JARID2: variants seen among roughly 807,000 people sequenced by gnomAD.
JARID2 encodes the protein protein Jumonji.
Under a neutral mutation model 125.6 loss-of-function variants are expected in JARID2, and 21 were observed. That is an observed-to-expected ratio of 0.17 (90% confidence interval 0.12 to 0.24). The LOEUF is 0.24. JARID2 is among the 10% of genes least tolerant of loss of function. The probability of loss-of-function intolerance (pLI) is 1.00; values close to 1 mark genes in which losing one functional copy is unlikely to be tolerated. For missense variants in JARID2, 1,303 were observed against 1,639.6 expected, an observed-to-expected ratio of 0.79 and a Z score of 3.55; for synonymous variants, 736 against 661.6, an observed-to-expected ratio of 1.11 and a Z score of -1.73.
chr6:15,354,778 T>A (rs912037958), intron 1 of JARID2, among the ~76,000 whole-genome samples: 7 of 152,164 alleles, frequency 4.6e-5, no homozygotes, highest in African/African-American at 1.7e-4. Context: ...AACCATAGAA[T>A]ACCTACCCCT....
chr6:15,268,596 A>C (rs1474144600), intron 1 of JARID2, among the ~76,000 whole-genome samples: 2 of 152,214 alleles, frequency 1.3e-5, no homozygotes, highest in Admixed American at 6.5e-5. Context: ...TCGCTGAAGC[A>C]TGACAAGCCT....
chr6:15,403,665 G>A (rs1019829036), intron 2 of JARID2, among the ~76,000 whole-genome samples: 8 of 152,088 alleles, frequency 5.3e-5, no homozygotes, highest in African/African-American at 1.9e-4. Context: ...ACTGTGTCAG[G>A]TCTTAGTATC....
At chr6:15,464,524 A>AGG (rs1768615777) in intron 4 of JARID2, among the ~76,000 whole-genome samples, 2 of 152,154 alleles carry the variant, frequency 1.3e-5, no homozygotes, top group African/African-American at 4.8e-5. Flanking sequence ...GATGCCAAGG[A>AGG]GGACAGTCAG....
chr6:15,408,768 T>C (rs1765753902), intron 2 of JARID2, among the ~76,000 whole-genome samples: 1 of 152,236 alleles, frequency 6.6e-6, no homozygotes, highest in Non-Finnish European at 1.5e-5. Flanking sequence ...TAGCTGCACA[T>C]GACTAGTGGC....
intron 2 of JARID2, among the ~76,000 whole-genome samples, chr6:15,389,765 C>T (rs948840654): frequency 6.6e-6 from 1 of 152,140 alleles, no homozygotes; most frequent in African/African-American, 2.4e-5. Flanking sequence ...AAAGTGAGGT[C>T]GAACCCTCTG....
intron 3 of JARID2, among the ~76,000 whole-genome samples, chr6:15,417,540 G>A (rs1425566946): frequency 6.6e-6 from 1 of 152,176 alleles, no homozygotes; most frequent in Non-Finnish European, 1.5e-5. Context: ...GAGTTGGAGA[G>A]ACCTGCGTGG....
chr6:15,296,261 T>C (rs1279547730), intron 1 of JARID2, among the ~76,000 whole-genome samples: 2 of 152,190 alleles, frequency 1.3e-5, no homozygotes, highest in African/African-American at 2.4e-5. Context: ...TGGGCATTTG[T>C]AGCGTGCATT....
chr6:15,360,643 C>G (rs889402899), intron 1 of JARID2, among the ~76,000 whole-genome samples: 2 of 152,056 alleles, frequency 1.3e-5, no homozygotes, highest in Non-Finnish European at 2.9e-5. Context: ...GCCGTCATGC[C>G]TAATTTTAAG....
intron 1 of JARID2, among the ~76,000 whole-genome samples, chr6:15,278,301 A>C (rs1015730656): frequency 6.7e-6 from 1 of 150,030 alleles, no homozygotes; most frequent in Non-Finnish European, 1.5e-5. Context: ...GAAACACTGC[A>C]ATGAGCCAGG....
chr6:15,358,914 C>T (rs1763696834), intron 1 of JARID2, among the ~76,000 whole-genome samples: 1 of 152,212 alleles, frequency 6.6e-6, no homozygotes, highest in African/African-American at 2.4e-5. Flanking sequence ...TGGCACAGGC[C>T]ATACCCCAAC....
At chr6:15,262,597 A>G (rs940028726) in intron 1 of JARID2, among the ~76,000 whole-genome samples, 6 of 149,198 alleles carry the variant, frequency 4.0e-5, no homozygotes, top group Non-Finnish European at 7.4e-5. Flanking sequence ...CAGTGGCGCA[A>G]TCTTGGCTCA....
chr6:15,303,950 T>G (rs1478243421), intron 1 of JARID2, among the ~76,000 whole-genome samples: 1 of 152,170 alleles, frequency 6.6e-6, no homozygotes, highest in African/African-American at 2.4e-5. Context: ...GGTTGAGACC[T>G]CAACAACAGT....
rs577066764 is a variant in JARID2 at position 15,411,796 on chromosome 6, G to A, written c.323+1431G>A. Among the ~76,000 whole-genome samples, 13 of 152,336 alleles carry A rather than the reference G, an allele frequency of 8.5e-5. No homozygotes were observed. In the East Asian group the frequency reaches 2.5e-3, roughly 29 times the overall value. On this transcript the variant is annotated intron_variant, in intron 3 of 17. Transcript: ENST00000341776. The stretch of plus-strand genomic sequence containing the variant: ...CCATTTGGGGAGCAGAATTCTCTGA[G>A]TCTGGGCACCCACTCCTTTAGCTAT...
chr6:15,500,385 TTGAG>T (rs1228538475), intron 7 of JARID2, among the ~76,000 whole-genome samples: 1 of 152,102 alleles, frequency 6.6e-6, no homozygotes, highest in Admixed American at 6.5e-5. Context: ...ATGGGTGAAG[TTGAG>T]TGAGTGAGTG....
intron 4 of JARID2, among the ~76,000 whole-genome samples, chr6:15,461,000 C>T (rs137970798): frequency 7.6e-4 from 115 of 152,292 alleles, no homozygotes; most frequent in African/African-American, 2.5e-3. Flanking sequence ...CCACTGCACC[C>T]AGCCAGAATG....
At chr6:15,332,378 A>G (rs1272387820) in intron 1 of JARID2, among the ~76,000 whole-genome samples, 1 of 152,224 alleles carries the variant, frequency 6.6e-6, no homozygotes, top group Non-Finnish European at 1.5e-5. Context: ...TTACCATCCA[A>G]GACTCCCAGT....
chr6:15,326,572 G>A (rs1486531628), intron 1 of JARID2, among the ~76,000 whole-genome samples: 1 of 152,146 alleles, frequency 6.6e-6, no homozygotes, highest in Non-Finnish European at 1.5e-5. Flanking sequence ...CTCGATCTTC[G>A]CTCACTGCGA....
At chr6:15,304,755 C>A (rs1761760772) in intron 1 of JARID2, among the ~76,000 whole-genome samples, 1 of 152,192 alleles carries the variant, frequency 6.6e-6, no homozygotes, top group Non-Finnish European at 1.5e-5. Context: ...GGCCAATTTA[C>A]TTAGTATCTG....
intron 3 of JARID2, among the ~76,000 whole-genome samples, chr6:15,412,125 T>C (rs1335581195): frequency 6.6e-6 from 1 of 152,224 alleles, no homozygotes; most frequent in East Asian, 1.9e-4. Flanking sequence ...ATGTGTCAAG[T>C]ATCTTACTGA....
Sources: allele counts gnomAD v4.1 joint callset (sites outside exome capture counted in the v4.1 genomes callset), GRCh38; gene constraint gnomAD v4.1.1; transcripts MANE v1.5; gene names NCBI Gene and HGNC (gene_info 2026-07-23, HGNC 2026-07-21).